The following SSUH2 variants were observed in gnomAD, a reference collection of about 807,000 sequenced individuals.
The protein encoded by SSUH2 is protein SSUH2 homolog.
SSUH2 carries 47 observed loss-of-function variants against 55.3 expected under a neutral mutation model. The ratio of observed to expected loss-of-function variants is 0.85; its 90% CI spans 0.67 to 1.08. The LOEUF (loss-of-function observed/expected upper bound fraction) is 1.08. Ranked by LOEUF, SSUH2 falls within the 50% of genes least tolerant of loss-of-function variation. The probability of loss-of-function intolerance (pLI) is 0.00; values close to 1 mark genes in which losing one functional copy is unlikely to be tolerated. For missense variants in SSUH2, 535 were observed against 490.7 expected, an observed-to-expected ratio of 1.09 and a Z score of -0.85; for synonymous variants, 212 against 191.5, an observed-to-expected ratio of 1.11 and a Z score of -0.89.
chr3:8,619,908 T>C lies in SSUH2; in HGVS notation c.1088A>G (p.Asp363Gly), dbSNP rs1696059704. Reference sequence around the variant, plus strand: ...GCCACAGCAATACCGCTCAGGATAGTCCACCGCATACACCTGGTGGTCAGT... The same window carrying C: ...GCCACAGCAATACCGCTCAGGATAGCCCACCGCATACACCTGGTGGTCAGT... ...YGTDHQVYAV[D>G]YPERYCCGCT... Residue 363 changes from aspartate (D) to glycine (G), a missense_variant, in exon 12 of 12, where the codon GAC becomes GGC. By Grantham distance (94) the Asp-to-Gly change is moderately conservative. Transcript: ENST00000544814. The C allele has an allele frequency of 3.1e-6, 5 of 1,614,188 alleles. No individual in the cohort carries two copies. In the East Asian group the frequency reaches 1.1e-4, roughly 36 times the overall value.
At chr3:8,663,903 A>T (rs1448884582) in intron 5 of SSUH2, 7 of 445,696 alleles carry the variant, frequency 1.6e-5, no homozygotes, top group African/African-American at 1.4e-4. Context: ...CAAAGGAGGG[A>T]ACTGCTTTCT....
chr3:8,678,576 A>AGGCGGC (rs56192738), intron 2 of SSUH2, among the ~76,000 whole-genome samples: 1 of 88,784 alleles, frequency 1.1e-5, no homozygotes, highest in Non-Finnish European at 2.3e-5. Flanking sequence ...CAGAGGGGGG[A>AGGCGGC]ACACCCCCCG....
At chr3:8,624,026 C>G (rs1404734245) in intron 10 of SSUH2, among the ~76,000 whole-genome samples, 1 of 152,212 alleles carries the variant, frequency 6.6e-6, no homozygotes, top group African/African-American at 2.4e-5. Flanking sequence ...TCAAACCGCC[C>G]TCTAAGGGTC....
chr3:8,625,560 A>C lies in SSUH2; in HGVS notation c.855T>G (p.Phe285Leu). ...LLAKAKGENL[F>L]KDENSVVYPI... ...CTCTTACCACCGAGTTTTCATCCTT[A>C]AAGAGGTTTTCTCCTTTGGCTTTAG... The change falls in exon 10 of 12, where the codon TTT becomes TTG. Residue 285 changes from phenylalanine (F) to leucine (L), a missense_variant. Physicochemically the swap from Phe to Leu is conservative, Grantham distance 22. Transcript: ENST00000544814. 6.2e-7 allele frequency: 1 copy of C among 1,612,950 alleles called. No homozygotes were observed. The highest frequency in any genetic ancestry group is 8.5e-7 in the Non-Finnish European group (1 of 1,179,046).
intron 3 of SSUH2, chr3:8,634,637 G>C (rs1409360181): frequency 4.8e-6 from 6 of 1,248,314 alleles, no homozygotes; most frequent in South Asian, 1.2e-5. Context: ...GGAGGAAGCA[G>C]GGTTCTTCCT....
intron 3 of SSUH2, among the ~76,000 whole-genome samples, chr3:8,675,115 C>T (rs1002936973): frequency 1.8e-4 from 27 of 152,210 alleles, no homozygotes; most frequent in African/African-American, 6.5e-4. Flanking sequence ...TCAAGCTACA[C>T]TGACTTTACA....
rs550165410 is a variant in SSUH2, at chr3:8,620,673, T to G, written c.982-659A>C. Reference sequence around the variant, plus strand: ...AGGCATCCCCAGGGGAGTTCCAGGGTGTACGGAAAGTCACCAACCAAGTAG... The same window carrying G: ...AGGCATCCCCAGGGGAGTTCCAGGGGGTACGGAAAGTCACCAACCAAGTAG... On this transcript the variant is annotated intron_variant, in intron 11 of 11. Coordinates refer to ENST00000544814, the MANE Select transcript of SSUH2 (RefSeq NM_001256748.3). Among the ~76,000 whole-genome samples the G allele has an allele frequency of 3.9e-5, 6 of 152,290 alleles. No homozygotes were observed. In the South Asian group the frequency reaches 6.2e-4, roughly 16 times the overall value.
upstream of SSUH2, among the ~76,000 whole-genome samples, chr3:8,645,317 G>T (rs1701537284): frequency 1.3e-5 from 2 of 152,316 alleles, no homozygotes; most frequent in African/African-American, 4.8e-5. Flanking sequence ...GGATTGTGAG[G>T]CCACACTGCA....
At chr3:8,621,644 A>G (rs1040535561) in intron 11 of SSUH2, among the ~76,000 whole-genome samples, 4 of 152,166 alleles carry the variant, frequency 2.6e-5, no homozygotes, top group African/African-American at 9.7e-5. Flanking sequence ...ATGGGAATAA[A>G]AACTCTTATT....
At chr3:8,681,216 C>A (rs950468251) in intron 1 of SSUH2, among the ~76,000 whole-genome samples, 1 of 150,420 alleles carries the variant, frequency 6.6e-6, no homozygotes, top group Non-Finnish European at 1.5e-5. Context: ...CCTCTTCCCC[C>A]CCTGGCTCTC....
chr3:8,671,416 G>T (rs532612496), intron 4 of SSUH2, among the ~76,000 whole-genome samples: 1 of 152,170 alleles, frequency 6.6e-6, no homozygotes, highest in East Asian at 1.9e-4. Context: ...AGGATCATAC[G>T]AGTAATTTGA....
chr3:8,657,273 T>A (rs2125347427), intron 7 of SSUH2, among the ~76,000 whole-genome samples: 1 of 149,416 alleles, frequency 6.7e-6, no homozygotes, highest in African/African-American at 2.4e-5. Flanking sequence ...TTCACATAAC[T>A]GACACTGCAC....
intron 8 of SSUH2, 181 bp downstream of exon 8, chr3:8,627,517 G>C (rs1435124388): frequency 2.3e-6 from 1 of 431,258 alleles, no homozygotes; most frequent in Non-Finnish European, 4.2e-6. Context: ...GTCCAGAAAT[G>C]CCAGGCCTTG....
At chr3:8,669,611 C>T (rs1255945077) in intron 5 of SSUH2, among the ~76,000 whole-genome samples, 1 of 152,158 alleles carries the variant, frequency 6.6e-6, no homozygotes, top group African/African-American at 2.4e-5. Flanking sequence ...CAGATGCCAT[C>T]CAATCACATG....
intron 3 of SSUH2, among the ~76,000 whole-genome samples, chr3:8,672,427 T>C (rs1704696215): frequency 6.6e-6 from 1 of 151,920 alleles, no homozygotes; most frequent in Non-Finnish European, 1.5e-5. Flanking sequence ...GTAGGAACAA[T>C]ATTACACGGG....
At chr3:8,678,801 C>T (rs1202528190) in intron 2 of SSUH2, among the ~76,000 whole-genome samples, 1 of 109,088 alleles carries the variant, frequency 9.2e-6, no homozygotes, top group East Asian at 2.3e-4. Context: ...AGGACCCCAT[C>T]GCAGGGAGAG....
chr3:8,646,689 C>T (rs550586114), upstream of SSUH2, among the ~76,000 whole-genome samples: 1 of 152,320 alleles, frequency 6.6e-6, no homozygotes, highest in South Asian at 2.1e-4. Context: ...TGACTCGGGG[C>T]AAGTAATGTA....
chr3:8,625,024 C>T (rs1266217786), intron 10 of SSUH2, among the ~76,000 whole-genome samples: 1 of 152,108 alleles, frequency 6.6e-6, no homozygotes, highest in Non-Finnish European at 1.5e-5. Context: ...CCTCCCTGCC[C>T]CTTACCCTGC....
At chr3:8,637,544 A>C (rs1234411231) in intron 1 of SSUH2, among the ~76,000 whole-genome samples, 1 of 152,214 alleles carries the variant, frequency 6.6e-6, no homozygotes, top group East Asian at 1.9e-4. Context: ...TTACTCCAGT[A>C]ATCCTAGGTC....
Sources: gnomAD v4.1 joint callset for allele counts (sites outside exome capture counted in the v4.1 genomes callset) on GRCh38, gnomAD v4.1.1 for gene constraint, MANE v1.5 for transcripts, NCBI Gene and HGNC (gene_info 2026-07-23, HGNC 2026-07-21) for gene names.